The following LYPLAL1 variants were observed in gnomAD, a reference collection of about 807,000 sequenced individuals.
LYPLAL1 encodes the protein lysophospholipase-like protein 1.
A neutral mutation model predicts 19.7 loss-of-function variants in LYPLAL1; 23 were observed. The ratio of observed to expected loss-of-function variants is 1.17; its 90% CI spans 0.84 to 1.65. The LOEUF is 1.65. LYPLAL1 is among the 40% of genes most tolerant of loss of function. The pLI is 0.00. For synonymous variants in LYPLAL1, 119 were observed against 96.3 expected, an observed-to-expected ratio of 1.24 and a Z score of -1.38; for missense variants, 355 against 279.4, an observed-to-expected ratio of 1.27 and a Z score of -1.93.
chr1:219,261,616 G>A, the LYPLAL1 span, among the ~76,000 whole-genome samples: 2 of 152,066 alleles, frequency 1.3e-5, no homozygotes, highest in Non-Finnish European at 2.9e-5. Context: ...TCTCTCCTTC[G>A]TTTATGAAAC....
intron 1 of LYPLAL1, among the ~76,000 whole-genome samples, chr1:219,177,232 C>G (rs1021715900): frequency 2.0e-5 from 3 of 152,090 alleles, no homozygotes; most frequent in African/African-American, 7.2e-5. Context: ...GAAGGGATAT[C>G]CAAGAGGGTA....
the LYPLAL1 span, among the ~76,000 whole-genome samples, chr1:219,234,974 AC>A: frequency 3.6e-4 from 33 of 91,182 alleles, no homozygotes; most frequent in African/African-American, 1.6e-3. Context: ...TAAGAATATG[AC>A]AACAATCTGA....
the LYPLAL1 span, among the ~76,000 whole-genome samples, chr1:219,438,563 G>A: frequency 6.6e-6 from 1 of 152,178 alleles, no homozygotes; most frequent in Non-Finnish European, 1.5e-5. Context: ...GTCACATAGT[G>A]TTGCCAGGTT....
At chr1:219,334,528 T>A in the LYPLAL1 span, among the ~76,000 whole-genome samples, 3 of 42,014 alleles carry the variant, frequency 7.1e-5, no homozygotes, top group Admixed American at 5.3e-4. Context: ...TGAAGAGGGG[T>A]GTGTGTGTGT....
chr1:219,417,775 T>C, the LYPLAL1 span, among the ~76,000 whole-genome samples: 2 of 152,248 alleles, frequency 1.3e-5, no homozygotes, highest in Non-Finnish European at 1.5e-5. Flanking sequence ...CAAGGGAATC[T>C]CTGCCAAGGA....
chr1:219,390,513 T>A, the LYPLAL1 span, among the ~76,000 whole-genome samples: 2 of 152,216 alleles, frequency 1.3e-5, no homozygotes, highest in Admixed American at 1.3e-4. Flanking sequence ...GAATTGTATC[T>A]GCATAATATG....
chr1:219,393,662 A>G, the LYPLAL1 span, among the ~76,000 whole-genome samples: 3 of 152,094 alleles, frequency 2.0e-5, no homozygotes, highest in Non-Finnish European at 2.9e-5. Context: ...AAACTGGGTA[A>G]ATGGAAATGA....
the LYPLAL1 span, among the ~76,000 whole-genome samples, chr1:219,354,101 G>T: frequency 6.6e-6 from 1 of 152,086 alleles, no homozygotes. Flanking sequence ...GATGAATAGA[G>T]CATCAGTGAA....
chr1:219,269,136 A>C, the LYPLAL1 span, among the ~76,000 whole-genome samples: 3 of 152,198 alleles, frequency 2.0e-5, no homozygotes, highest in East Asian at 5.8e-4. Context: ...ATATGAATGG[A>C]GAGACTGGAG....
At chr1:219,351,346 G>A in the LYPLAL1 span, among the ~76,000 whole-genome samples, 7 of 151,926 alleles carry the variant, frequency 4.6e-5, no homozygotes, top group Non-Finnish European at 1.0e-4. Flanking sequence ...AGTACAAGTG[G>A]TATAGAAAAG....
chr1:219,263,021 A>G, the LYPLAL1 span, among the ~76,000 whole-genome samples: 1 of 152,178 alleles, frequency 6.6e-6, no homozygotes, highest in Non-Finnish European at 1.5e-5. Flanking sequence ...GAAGGGGGAT[A>G]TAAGCTTGCC....
intron 1 of LYPLAL1, chr1:219,174,267 A>C: frequency 7.5e-7 from 1 of 1,327,436 alleles, no homozygotes; most frequent in Non-Finnish European, 9.7e-7. Context: ...ACACCTCCCC[A>C]TTCCTCGCCC....
chr1:219,180,827 A>G (rs1656214445), intron 2 of LYPLAL1, among the ~76,000 whole-genome samples: 1 of 152,230 alleles, frequency 6.6e-6, no homozygotes, highest in Non-Finnish European at 1.5e-5. Flanking sequence ...CTCAAACTTT[A>G]GGCCAGAGTT....
the LYPLAL1 span, among the ~76,000 whole-genome samples, chr1:219,251,131 T>C: frequency 6.6e-6 from 1 of 152,076 alleles, no homozygotes; most frequent in Non-Finnish European, 1.5e-5. Context: ...TTAATGGGGT[T>C]GTTTTTCTCA....
intron 2 of LYPLAL1, among the ~76,000 whole-genome samples, chr1:219,192,589 C>A (rs966111642): frequency 2.0e-5 from 3 of 151,210 alleles, no homozygotes; most frequent in African/African-American, 7.3e-5. Context: ...CTAATATAGC[C>A]CCCATCCCTC....
At chr1:219,273,356 A>G in the LYPLAL1 span, 15 of 152,218 alleles carry the variant, frequency 9.9e-5, no homozygotes, top group Admixed American at 7.2e-4. Context: ...TTGATGTAAG[A>G]CTTTCTCAAT....
chr1:219,174,446 T>C (rs1572142109), intron 1 of LYPLAL1: 1 of 318,820 alleles, frequency 3.1e-6, no homozygotes, highest in Non-Finnish European at 4.6e-6. Flanking sequence ...TTAGATACTG[T>C]TTACAGATTA....
the LYPLAL1 span, among the ~76,000 whole-genome samples, chr1:219,266,272 A>G: frequency 6.6e-6 from 1 of 151,964 alleles, no homozygotes; most frequent in African/African-American, 2.4e-5. Context: ...TTTAAAATGT[A>G]TTTTTCTTGT....
At chr1:219,303,866 T>C in the LYPLAL1 span, among the ~76,000 whole-genome samples, 1 of 152,190 alleles carries the variant, frequency 6.6e-6, no homozygotes, top group Non-Finnish European at 1.5e-5. Context: ...GTTTTTCTGT[T>C]TGAAGAAACA....
Sources: gnomAD v4.1 joint callset for allele counts (sites outside exome capture counted in the v4.1 genomes callset) on GRCh38, gnomAD v4.1.1 for gene constraint, MANE v1.5 for transcripts, NCBI Gene and HGNC (gene_info 2026-07-23, HGNC 2026-07-21) for gene names.